The following TCP1 variants were observed in gnomAD, a reference collection of about 807,000 sequenced individuals.
The protein encoded by TCP1 is T-complex protein 1 subunit alpha.
A neutral mutation model predicts 54.7 loss-of-function variants in TCP1; 6 were observed. The observed-to-expected ratio is 0.11, with a 90% CI of 0.06 to 0.22. The LOEUF (loss-of-function observed/expected upper bound fraction) is 0.22, where lower values mean the gene tolerates loss of function less well. Among genes scored for constraint, TCP1 ranks in the 10% least tolerant of loss-of-function variants. TCP1 has a pLI of 1.00. For synonymous variants in TCP1, 225 were observed against 229.7 expected (o/e 0.98, Z 0.19); for missense variants, 511 against 678.2 (o/e 0.75, Z 2.74).
intron 11 of TCP1, 36 bp from the exon 12 acceptor site, chr6:159,779,297 C>G: frequency 1.3e-6 from 2 of 1,560,602 alleles, no homozygotes; most frequent in African/African-American, 1.4e-5. Flanking sequence ...CGGCCGCTTA[C>G]AATTTCATTA....
rs767370072 is a variant in TCP1 at position 159,785,412 on chromosome 6, T to C, written c.462A>G (p.Thr154=). 11 of 1,612,638 alleles carry C rather than the reference T, an allele frequency of 6.8e-6. No homozygotes were observed. In the African/African-American group the frequency reaches 1.3e-4, roughly 20 times the overall value. Residue 154 remains threonine, a synonymous_variant, in exon 5 of 12, where the codon ACA becomes ACG. Transcript: ENST00000321394. The part of the protein sequence containing the change: ...GRDCLINAAK[T]SMSSKIIGIN... ...TTCCAATGATTTTGGAAGACATGGA[T>C]GTCTTAGCAGCATTAATCAGGCAAT...
intron 7 of TCP1, among the ~76,000 whole-genome samples, chr6:159,783,376 A>G (rs151165608): frequency 0.013 from 1,377 of 107,560 alleles, 12 homozygotes; most frequent in South Asian, 0.025. Flanking sequence ...TACTGTTTAA[A>G]CTATTTTTTT....
chr6:159,780,412 T>G lies in TCP1; in HGVS notation c.1097+31A>C, dbSNP rs760554500. ...CTACTTTTACTTAACAAAATCGGTATAACTTTACAATTTTAGAAAGTGGCT... is the reference window on the plus strand; with the variant it reads ...CTACTTTTACTTAACAAAATCGGTAGAACTTTACAATTTTAGAAAGTGGCT... On this transcript the variant is annotated intron_variant, in intron 9 of 11. Coordinates refer to ENST00000321394, the MANE Select transcript of TCP1 (RefSeq NM_030752.3). 3 of 1,613,536 alleles carry G rather than the reference T, an allele frequency of 1.9e-6. No homozygotes were observed. The South Asian group carries it at 3.3e-5, about 18-fold the overall frequency.
At chr6:159,785,561 A>G (rs747473098) in intron 4 of TCP1, 65 bp from the exon 5 acceptor site, 6 of 1,265,924 alleles carry the variant, frequency 4.7e-6, no homozygotes, top group African/African-American at 4.4e-5. Flanking sequence ...TGCATTCATC[A>G]TGCTTAACAC....
At position 159,787,990 on chromosome 6, in the gene TCP1, A is replaced by G. The variant is rs950041163; in HGVS notation, c.150+68T>C. 10 of 1,607,558 alleles carry G rather than the reference A, an allele frequency of 6.2e-6. No individual in the cohort carries two copies. The African/African-American group carries it at 1.3e-4, about 22-fold the overall frequency. On this transcript the variant is annotated intron_variant, in intron 2 of 11. Transcript: ENST00000321394. ...CGTGGATTCTGATAAAGTCAAAGAAAGAACATAGCAAAACACTGAAGATAG... is the reference window on the plus strand; with the variant it reads ...CGTGGATTCTGATAAAGTCAAAGAAGGAACATAGCAAAACACTGAAGATAG...
intron 5 of TCP1, 91 bp from the exon 6 acceptor site, chr6:159,784,938 T>C (rs1027916007): frequency 5.2e-5 from 65 of 1,262,110 alleles, no homozygotes; most frequent in Non-Finnish European, 7.3e-5. Flanking sequence ...GACTTCCTTT[T>C]AGTAATCTAA....
rs2115001253 is a variant in TCP1, at chr6:159,789,528, C to T, written c.-60G>A. The T allele has an allele frequency of 7.5e-6, 12 of 1,601,508 alleles. No homozygotes were observed. Among genetic ancestry groups the T allele is most frequent in the Middle Eastern group, 1.7e-4 (1 of 6,020 alleles). On this transcript the variant is annotated 5_prime_UTR_variant, in exon 1 of 12. Coordinates refer to ENST00000321394, the MANE Select transcript of TCP1 (RefSeq NM_030752.3). ...CACCGCGGGCAACCAGTATCGCGGCCCCTCGGCCGACCGGCGACCACAGCA... is the reference window on the plus strand; with the variant it reads ...CACCGCGGGCAACCAGTATCGCGGCTCCTCGGCCGACCGGCGACCACAGCA...
chr6:159,783,813 C>T lies in TCP1; in HGVS notation c.797+128G>A. ...GCCGATTTTCATATAGGTTGTATAA[C>T]CCCAAATCCCTCTAAAAACACCACC... On this transcript the variant is annotated intron_variant, in intron 7 of 11. Coordinates refer to ENST00000321394, the MANE Select transcript of TCP1 (RefSeq NM_030752.3). 6 of 1,282,110 alleles carry T rather than the reference C, an allele frequency of 4.7e-6. 1 individual carries two copies. In the South Asian group the frequency reaches 9.2e-5, roughly 20 times the overall value. The allele number at this position is 1,282,110 out of a possible 1,614,324, so 79.4% of individuals were successfully genotyped here.
At chr6:159,780,343 GT>G (rs1562482247) in intron 9 of TCP1, 99 bp downstream of exon 9, 1 of 1,555,390 alleles carries the variant, frequency 6.4e-7, no homozygotes, top group East Asian at 2.2e-5. Flanking sequence ...ATAACTGCTC[GT>G]ATCACTGTGA....
At chr6:159,780,893 G>A (rs775710793) in intron 8 of TCP1, 42 bp downstream of exon 8, 3 of 1,547,714 alleles carry the variant, frequency 1.9e-6, no homozygotes, top group East Asian at 2.3e-5. Flanking sequence ...TAGGATCAGG[G>A]ATAATAAAAG....
chr6:159,779,496 T>C, intron 11 of TCP1, 131 bp downstream of exon 11: 1 of 1,278,694 alleles, frequency 7.8e-7, no homozygotes, highest in Admixed American at 2.5e-5. Context: ...AACAAATGCT[T>C]GCTGTGAAGT....
At chr6:159,789,114 G>T (rs1055659468) in intron 1 of TCP1, 2 of 454,148 alleles carry the variant, frequency 4.4e-6, no homozygotes, top group Non-Finnish European at 7.9e-6. Flanking sequence ...GCGAGCCCGG[G>T]AGGCCCGCTT....
intron 7 of TCP1, among the ~76,000 whole-genome samples, chr6:159,782,009 G>A (rs543386184): frequency 2.3e-4 from 35 of 152,322 alleles, no homozygotes; most frequent in African/African-American, 7.9e-4. Flanking sequence ...TAAGCTGAAA[G>A]ACAACCTAAA....
At chr6:159,789,089 G>A (rs1468984576) in intron 1 of TCP1, 1 of 406,242 alleles carries the variant, frequency 2.5e-6, no homozygotes, top group Non-Finnish European at 4.5e-6. Flanking sequence ...GGGGTGCGAG[G>A]CGTGGCCCGC....
At chr6:159,784,158 TTA>T in intron 6 of TCP1, 91 bp from the exon 7 acceptor site, 1 of 1,437,384 alleles carries the variant, frequency 7.0e-7, no homozygotes, top group Non-Finnish European at 9.2e-7. Context: ...ACACACAAAT[TTA>T]GACTAATTCA....
chr6:159,783,837 C>T lies in TCP1; in HGVS notation c.797+104G>A. On this transcript the variant is annotated intron_variant, in intron 7 of 11. Transcript: ENST00000321394. ...ACCCCAAATCCCTCTAAAAACACCACCAGGCTAATTTTTCTGGAAGTAAAA... is the reference window on the plus strand; with the variant it reads ...ACCCCAAATCCCTCTAAAAACACCATCAGGCTAATTTTTCTGGAAGTAAAA... 6 of 1,450,328 alleles carry T rather than the reference C, an allele frequency of 4.1e-6. 1 individual carries two copies. The highest frequency in any genetic ancestry group is 2.9e-5 in the South Asian group (2 of 69,316). The allele number at this position is 1,450,328 out of a possible 1,614,324, so 89.8% of individuals were successfully genotyped here. A position where few individuals can be genotyped will look rare whatever the true frequency, so the allele number is the denominator to read the frequency against.
intron 5 of TCP1, chr6:159,785,097 CCTCT>C (rs35538902): frequency 0.21 from 129,631 of 604,408 alleles, 14,879 homozygotes; most frequent in East Asian, 0.38. Context: ...CAGCATTACT[CCTCT>C]CTATTGATAT....
At chr6:159,782,815 T>C (rs1461388886) in intron 7 of TCP1, among the ~76,000 whole-genome samples, 1 of 152,114 alleles carries the variant, frequency 6.6e-6, no homozygotes, top group South Asian at 2.1e-4. Flanking sequence ...CTGGAGAGTA[T>C]TATGACATGG....
chr6:159,781,130 C>A lies in TCP1; in HGVS notation c.798-20G>T. 6.5e-7 allele frequency: 1 copy of A among 1,547,162 alleles called. No individual in the cohort carries two copies. Among genetic ancestry groups the A allele is most frequent in the Non-Finnish European group, 8.7e-7 (1 of 1,151,022 alleles). On this transcript the variant is annotated intron_variant, in intron 7 of 11. Transcript: ENST00000321394. ...GATTCTCTGCAAAGTATTTTTGTAA[C>A]CTGAGTTACCTTCTGTGATTTTTAA...
Sources: gnomAD v4.1 joint callset for allele counts (sites outside exome capture counted in the v4.1 genomes callset) on GRCh38, gnomAD v4.1.1 for gene constraint, MANE v1.5 for transcripts, NCBI Gene and HGNC (gene_info 2026-07-23, HGNC 2026-07-21) for gene names.